The following KNDC1 variants were observed in gnomAD, a reference collection of about 807,000 sequenced individuals.
The protein encoded by KNDC1 is kinase non-catalytic C-lobe domain containing 1, also known as kinase non-catalytic C-lobe domain-containing protein 1.
Under a neutral mutation model 172.8 loss-of-function variants are expected in KNDC1, and 106 were observed. The observed-to-expected ratio is 0.61, with a 90% CI of 0.52 to 0.72. KNDC1 has a LOEUF of 0.72. KNDC1 is among the 30% of genes least tolerant of loss of function. The pLI is 0.00. For missense variants in KNDC1, 2,325 were observed against 2,394.5 expected (o/e 0.97, Z 0.61); for synonymous variants, 1,083 against 1,062.2 (o/e 1.02, Z -0.38).
chr10:133,211,754 A>G lies in KNDC1; in HGVS notation c.4132A>G (p.Asn1378Asp). 1 of 1,610,102 alleles carries G rather than the reference A, an allele frequency of 6.2e-7. No individual in the cohort carries two copies. Among genetic ancestry groups the G allele is most frequent in the South Asian group, 1.1e-5 (1 of 91,000 alleles). Residue 1378 changes from asparagine (N) to aspartate (D), a missense_variant, in exon 23 of 30, where the codon AAC becomes GAC. Asn to Asp is a conservative substitution (Grantham distance 23). Transcript: ENST00000304613. ...GGGCATGGACCGGCGGGCCGAGGGC[A>G]ACCCTCGCGGCACAGACCTGGAGAA... ...EVGMDRRAEG[N>D]PRGTDLENPR...
At position 133,200,465 on chromosome 10, in the gene KNDC1, G is replaced by C; in HGVS notation, c.2989+5G>C. On this transcript the variant is annotated splice_donor_5th_base_variant and intron_variant, in intron 16 of 29. Transcript: ENST00000304613. Reference sequence around the variant, plus strand: ...GGCCGTCGCTGCACCGCCTGGGTAAGTGCTGGGCGGGCCCCGCGGCAGGAG... The same window carrying C: ...GGCCGTCGCTGCACCGCCTGGGTAACTGCTGGGCGGGCCCCGCGGCAGGAG... 6.5e-7 allele frequency: 1 copy of C among 1,546,726 alleles called. No individual in the cohort carries two copies. The highest frequency in any genetic ancestry group is 8.7e-7 in the Non-Finnish European group (1 of 1,148,842).
Position 133,225,173 on chromosome 10 carries a change from T to G in KNDC1, c.*283T>G. On this transcript the variant is annotated 3_prime_UTR_variant, in exon 30 of 30. Coordinates refer to ENST00000304613, the MANE Select transcript of KNDC1 (RefSeq NM_152643.8). ...TTAAAAATGAAAATGAAAGACAGCT[T>G]CCCAGGAGTTTTGTGCCTGTCTGCG... 1.3e-5 allele frequency: 5 copies of G among 386,162 alleles called. No homozygotes were observed. Among genetic ancestry groups the G allele is most frequent in the Non-Finnish European group, 2.0e-5 (4 of 204,686 alleles). The allele number at this position is 386,162 out of a possible 1,614,324, so 23.9% of individuals were successfully genotyped here.
rs1230858272 is a variant in KNDC1, at chr10:133,199,186, T to C, written c.2678T>C (p.Leu893Pro). ...CCAGGGAGGACGGCCTGCCCGTCGCTGCAGGAGGCCACGCGCCTCATCCAG... is the reference window on the plus strand; with the variant it reads ...CCAGGGAGGACGGCCTGCCCGTCGCCGCAGGAGGCCACGCGCCTCATCCAG... ...PLPGRTACPS[L>P]QEATRLIQEE... The change falls in exon 14 of 30, where the codon CTG (leucine) becomes CCG (proline). Residue 893 changes from leucine (L) to proline (P), a missense_variant. By Grantham distance (98) the Leu-to-Pro change is moderately conservative (BLOSUM62 -3). Coordinates refer to ENST00000304613, the MANE Select transcript of KNDC1 (RefSeq NM_152643.8). 6.3e-7 allele frequency: 1 copy of C among 1,593,722 alleles called. No homozygotes were observed. Among genetic ancestry groups the C allele is most frequent in the Non-Finnish European group, 8.5e-7 (1 of 1,170,724 alleles).
At chr10:133,218,594 C>T (rs1845515510) in intron 26 of KNDC1, among the ~76,000 whole-genome samples, 2 of 152,110 alleles carry the variant, frequency 1.3e-5, no homozygotes, top group Non-Finnish European at 2.9e-5. Context: ...CAAGTCTTTC[C>T]GCGTATCAGG....
chr10:133,194,760 C>G (rs575704373), intron 9 of KNDC1, among the ~76,000 whole-genome samples: 1 of 152,166 alleles, frequency 6.6e-6, no homozygotes, highest in Non-Finnish European at 1.5e-5. Context: ...AAGCAGCAAA[C>G]GCTACAAATG....
rs115027957 is a variant in KNDC1 at position 133,165,284 on chromosome 10, G to A, written c.103-2097G>A. On this transcript the variant is annotated intron_variant, in intron 1 of 29. Transcript: ENST00000304613. ...TCCAGGTGTCCGGCTTCCCTGAGGG[G>A]AGGAGGGGGCTGCCCATCACCAGGC... Among the ~76,000 whole-genome samples, 1,344 of 152,334 alleles carry A rather than the reference G, an allele frequency of 8.8e-3. 21 individuals carry two copies. The highest frequency in any genetic ancestry group is 0.039 in the South Asian group (189 of 4,828).
At chr10:133,194,622 C>T (rs1367255787) in intron 9 of KNDC1, among the ~76,000 whole-genome samples, 1 of 152,218 alleles carries the variant, frequency 6.6e-6, no homozygotes, top group Admixed American at 6.5e-5. Flanking sequence ...GCTCGTGGGG[C>T]TGTCTGCGTC....
chr10:133,224,520 C>T lies in KNDC1; in HGVS notation c.5019-139C>T, dbSNP rs1845680600. On this transcript the variant is annotated intron_variant, in intron 29 of 29. Coordinates refer to ENST00000304613, the MANE Select transcript of KNDC1 (RefSeq NM_152643.8). This position sits in a 1 kb window ranked among gnomAD's most constrained non-coding sequence, Gnocchi z 5.4. ...GACCTTTCCACCTCGCCAATAAATA[C>T]AGACAACCCACCCTTCAGAATTTAC... 1 of 651,490 alleles carries T rather than the reference C, an allele frequency of 1.5e-6. No individual in the cohort carries two copies. Among genetic ancestry groups the T allele is most frequent in the Non-Finnish European group, 2.7e-6 (1 of 369,992 alleles). The allele number at this position is 651,490 out of a possible 1,614,324, so 40.4% of individuals were successfully genotyped here. A position where few individuals can be genotyped will look rare whatever the true frequency, so the allele number is the denominator to read the frequency against.
chr10:133,197,202 T>A (rs1854217930), intron 11 of KNDC1, 67 bp downstream of exon 11: 9 of 1,294,930 alleles, frequency 7.0e-6, no homozygotes, highest in Non-Finnish European at 7.7e-6. Context: ...TGGACGCACT[T>A]GCCCTTGCCT....
chr10:133,175,351 T>C (rs979412222), intron 3 of KNDC1, among the ~76,000 whole-genome samples: 14 of 145,152 alleles, frequency 9.6e-5, no homozygotes, highest in African/African-American at 3.6e-4. Context: ...GATAAGTGGA[T>C]GGATGGGTGG....
chr10:133,171,370 A>G (rs1853372213), intron 3 of KNDC1, among the ~76,000 whole-genome samples: 1 of 152,130 alleles, frequency 6.6e-6, no homozygotes, highest in South Asian at 2.1e-4. Flanking sequence ...TCCTGGGCTC[A>G]AGTGATCCTC....
intron 20 of KNDC1, among the ~76,000 whole-genome samples, chr10:133,210,385 AAAAAG>A (rs1845336245): frequency 6.8e-6 from 1 of 146,990 alleles, no homozygotes; most frequent in Non-Finnish European, 1.5e-5. Flanking sequence ...AAAAAAAAAA[AAAAAG>A]GCCCTGGTGC....
chr10:133,168,506 G>A (rs536935505), intron 3 of KNDC1, among the ~76,000 whole-genome samples, 194 bp downstream of exon 3: 7 of 152,186 alleles, frequency 4.6e-5, no homozygotes, highest in Admixed American at 1.3e-4. Context: ...CCCCTGCAGC[G>A]TTCTCTGTGG....
intron 29 of KNDC1, among the ~76,000 whole-genome samples, chr10:133,221,857 G>A (rs1010236233): frequency 1.1e-5 from 1 of 87,550 alleles, no homozygotes; most frequent in Non-Finnish European, 2.4e-5. Flanking sequence ...AGCCACTCAC[G>A]CCTGTAACCC....
intron 3 of KNDC1, among the ~76,000 whole-genome samples, chr10:133,170,058 T>TC (rs770756270): frequency 6.6e-5 from 10 of 152,254 alleles, no homozygotes; most frequent in Non-Finnish European, 1.3e-4. Context: ...TTGTTAAACT[T>TC]CATCTGCAGA....
At chr10:133,178,236 C>T (rs72859871) in intron 3 of KNDC1, among the ~76,000 whole-genome samples, 31 of 151,462 alleles carry the variant, frequency 2.0e-4, no homozygotes, top group Admixed American at 2.6e-4. Flanking sequence ...ATGCATGTAG[C>T]GTGTTGCATG....
At chr10:133,211,046 G>A (rs571334533) in intron 21 of KNDC1, among the ~76,000 whole-genome samples, 8 of 152,170 alleles carry the variant, frequency 5.3e-5, no homozygotes, top group African/African-American at 1.7e-4. Flanking sequence ...AAGGTCAGCT[G>A]GGGGAAGGGG....
In KNDC1 at chr10:133,219,916, C is replaced by T. The variant is rs763633204; in HGVS notation, c.4861-39C>T. 1.8e-5 allele frequency: 27 copies of T among 1,537,076 alleles called. No homozygotes were observed. In the South Asian group the frequency reaches 3.2e-4, roughly 18 times the overall value. On this transcript the variant is annotated intron_variant, in intron 28 of 29. Transcript: ENST00000304613. ...GCTGAGGCTCCTGCACTGACCACGC[C>T]CTGTCTCTCCCCGGCCCACGCCCCG...
intron 1 of KNDC1, among the ~76,000 whole-genome samples, chr10:133,166,491 A>G (rs1159889011): frequency 2.0e-5 from 3 of 151,998 alleles, no homozygotes; most frequent in African/African-American, 7.3e-5. Flanking sequence ...AGTGTTAGGC[A>G]TGTGTGCGGT....
Sources: gnomAD v4.1 joint callset for allele counts (sites outside exome capture counted in the v4.1 genomes callset) on GRCh38, gnomAD v4.1.1 for gene constraint, Gnocchi (gnomAD v3.1) non-coding constraint, MANE v1.5 for transcripts, NCBI Gene and HGNC (gene_info 2026-07-23, HGNC 2026-07-21) for gene names.